Variants in MRTFA observed in about 807,000 individuals in gnomAD.
MRTFA encodes myocardin related transcription factor A.
In MRTFA, 20 loss-of-function variants were observed where a neutral mutation model predicts 83.5. That is an observed-to-expected ratio of 0.24 (90% CI 0.17 to 0.35). MRTFA has a LOEUF of 0.35. Among genes scored for constraint, MRTFA ranks in the 10% least tolerant of loss-of-function variants. MRTFA has a pLI of 1.00. For missense variants in MRTFA, 1,200 were observed against 1,224.7 expected, an observed-to-expected ratio of 0.98 and a Z score of 0.30; for synonymous variants, 659 against 541.2, an observed-to-expected ratio of 1.22 and a Z score of -3.02.
At chr22:40,548,018 G>A (rs2055392228) in intron 3 of MRTFA, among the ~76,000 whole-genome samples, 1 of 152,082 alleles carries the variant, frequency 6.6e-6, no homozygotes. Flanking sequence ...TCATTGCTGA[G>A]TAAAGAATTC....
chr22:40,470,231 T>TTA (rs71328709), intron 3 of MRTFA, among the ~76,000 whole-genome samples: 757 of 45,118 alleles, frequency 0.017, 14 homozygotes, highest in South Asian at 0.023. Context: ...CTCCAAAATT[T>TTA]TATATATATA....
At chr22:40,516,476 C>T (rs927187304) in intron 3 of MRTFA, among the ~76,000 whole-genome samples, 1 of 146,756 alleles carries the variant, frequency 6.8e-6, no homozygotes, top group Non-Finnish European at 1.5e-5. Flanking sequence ...TTTCTGAAAG[C>T]CTTCTCAGAA....
At chr22:40,589,745 A>C (rs1244635992) in intron 2 of MRTFA, among the ~76,000 whole-genome samples, 1 of 152,076 alleles carries the variant, frequency 6.6e-6, no homozygotes, top group Non-Finnish European at 1.5e-5. Context: ...TTCATATTAC[A>C]AGGCCGGGCA....
At chr22:40,417,265 G>T in intron 13 of MRTFA, 76 bp downstream of exon 13, 3 of 1,548,852 alleles carry the variant, frequency 1.9e-6, no homozygotes, top group South Asian at 1.2e-5. Context: ...ATTCCTCCGG[G>T]TGGGGCTGTA....
chr22:40,626,884 C>CAA (rs1418221914), intron 1 of MRTFA, among the ~76,000 whole-genome samples: 1 of 151,548 alleles, frequency 6.6e-6, no homozygotes, highest in African/African-American at 2.4e-5. Flanking sequence ...CACACACACA[C>CAA]ACACACACAC....
At chr22:40,545,699 C>G (rs1250771888) in intron 3 of MRTFA, among the ~76,000 whole-genome samples, 2 of 151,298 alleles carry the variant, frequency 1.3e-5, no homozygotes, top group African/African-American at 2.4e-5. Context: ...TCCCAAAGTG[C>G]TGGGATTACA....
rs377354099 is a variant in MRTFA at position 40,418,789 on chromosome 22, C to T, written c.1949G>A (p.Arg650Gln). ...CTCCTGCTCCAGCTGCAGCTTGAGC[C>T]GCTCCACCAGCTGCTGCTTCTGCCG... The change falls in exon 12 of 15, where the codon CGG (arginine) becomes CAG (glutamine). Residue 650 changes from arginine (R) to glutamine (Q), a missense_variant. Physicochemically the swap from Arg to Gln is conservative, Grantham distance 43. Around this residue, in one of 2 missense-constraint regions of MRTFA, gnomAD observed 1,107 missense variants for 1,041.8 expected, o/e 1.06. Coordinates refer to ENST00000355630, the MANE Select transcript of MRTFA (RefSeq NM_020831.6). 244 of 1,588,850 alleles carry T rather than the reference C, an allele frequency of 1.5e-4. No homozygotes were observed. The highest frequency in any genetic ancestry group is 1.7e-4 in the Non-Finnish European group (200 of 1,171,650).
In MRTFA at chr22:40,411,719, C is replaced by A. The variant is rs2052544709; in HGVS notation, c.2767G>T (p.Gly923Trp). 7.0e-6 allele frequency: 11 copies of A among 1,567,156 alleles called. No homozygotes were observed. The highest frequency in any genetic ancestry group is 9.6e-6 in the Non-Finnish European group (11 of 1,151,438). ...TGCCCACTGGTCAGCAGGGGCAGCC[C>A]CGTGCTGCTCTCCAGGAAGTCCTCC... The change falls in exon 15 of 15, where the codon GGG (glycine) becomes TGG (tryptophan). Residue 923 changes from glycine (G) to tryptophan (W), a missense_variant. This residue lies in a region of MRTFA where 1,107 missense variants were observed against 1,041.8 expected (regional missense o/e 1.06). Transcript: ENST00000355630.
chr22:40,584,272 G>T (rs1028771289), intron 2 of MRTFA, among the ~76,000 whole-genome samples: 1 of 152,190 alleles, frequency 6.6e-6, no homozygotes, highest in Non-Finnish European at 1.5e-5. Context: ...TAAGCAATTT[G>T]CCCAAGGTCT....
At chr22:40,466,365 C>T (rs1293081078) in intron 3 of MRTFA, among the ~76,000 whole-genome samples, 1 of 152,158 alleles carries the variant, frequency 6.6e-6, no homozygotes, top group African/African-American at 2.4e-5. Flanking sequence ...CTCCATTTTA[C>T]AGATGAGGAA....
intron 3 of MRTFA, among the ~76,000 whole-genome samples, chr22:40,483,840 G>A (rs1317730378): frequency 1.3e-5 from 2 of 152,008 alleles, no homozygotes; most frequent in African/African-American, 4.8e-5. Context: ...GACTACAGAC[G>A]CACAGTAGCA....
chr22:40,580,067 T>C (rs2055924287), intron 2 of MRTFA, among the ~76,000 whole-genome samples: 1 of 152,168 alleles, frequency 6.6e-6, no homozygotes, highest in Non-Finnish European at 1.5e-5. Context: ...ATGAACCACA[T>C]TCATTGTACT....
In MRTFA at chr22:40,415,725, C is replaced by A. The variant is rs147853149; in HGVS notation, c.2578+1261G>T. Among the ~76,000 whole-genome samples, 19 of 152,190 alleles carry A rather than the reference C, an allele frequency of 1.2e-4. No homozygotes were observed. In the East Asian group the frequency reaches 1.7e-3, roughly 14 times the overall value. On this transcript the variant is annotated intron_variant, in intron 14 of 14. Coordinates refer to ENST00000355630, the MANE Select transcript of MRTFA (RefSeq NM_020831.6). ...AGCATCTGCCCTACCTCCTTCTTCC[C>A]CTCTGCAGGGGAACCTCCCAGAGAG...
intron 2 of MRTFA, among the ~76,000 whole-genome samples, chr22:40,582,468 G>A (rs1383581254): frequency 6.6e-6 from 1 of 152,010 alleles, no homozygotes; most frequent in African/African-American, 2.4e-5. Flanking sequence ...GTAATTCTAC[G>A]TTATGCTATC....
intron 3 of MRTFA, among the ~76,000 whole-genome samples, chr22:40,538,693 T>C (rs1200603928): frequency 6.6e-6 from 1 of 152,188 alleles, no homozygotes; most frequent in Non-Finnish European, 1.5e-5. Flanking sequence ...TTAAAATAAA[T>C]TTCACAATTC....
At chr22:40,429,581 C>T (rs2053026023) in intron 7 of MRTFA, 25 bp downstream of exon 7, 1 of 1,614,096 alleles carries the variant, frequency 6.2e-7, no homozygotes, top group South Asian at 1.1e-5. Flanking sequence ...CTGCCTCTCA[C>T]ACAGGGTGGC....
intron 4 of MRTFA, among the ~76,000 whole-genome samples, chr22:40,458,455 C>A (rs1250612358): frequency 6.6e-6 from 1 of 151,976 alleles, no homozygotes; most frequent in African/African-American, 2.4e-5. Context: ...AAGGTCAGAC[C>A]CCAACACTGA....
chr22:40,498,141 C>CA (rs34560587), intron 3 of MRTFA, among the ~76,000 whole-genome samples: 11 of 148,438 alleles, frequency 7.4e-5, no homozygotes, highest in South Asian at 2.1e-4. Flanking sequence ...GACCCTGTGT[C>CA]AAAAAAAAGA....
At chr22:40,597,733 A>G (rs1299298292) in intron 1 of MRTFA, among the ~76,000 whole-genome samples, 2 of 152,214 alleles carry the variant, frequency 1.3e-5, no homozygotes, top group African/African-American at 4.8e-5. Flanking sequence ...CACGCAGAGG[A>G]AGAAATGTGT....
Sources: allele counts gnomAD v4.1 joint callset (sites outside exome capture counted in the v4.1 genomes callset), GRCh38; gene constraint gnomAD v4.1.1; regional missense constraint gnomAD v4.1.1; transcripts MANE v1.5; gene names NCBI Gene and HGNC (gene_info 2026-07-23, HGNC 2026-07-21).